RPSA2: variants seen among roughly 807,000 people sequenced by gnomAD.
RPSA2 encodes ribosomal protein SA 2.
the RPSA2 span, among the ~76,000 whole-genome samples, chr19:23,854,594 T>A: frequency 1.3e-5 from 2 of 152,234 alleles, no homozygotes; most frequent in African/African-American, 4.8e-5. Context: ...AGACTTAGAA[T>A]GGCAAGTACT....
At chr19:23,826,816 G>T in the RPSA2 span, among the ~76,000 whole-genome samples, 1 of 151,984 alleles carries the variant, frequency 6.6e-6, no homozygotes. Context: ...CTCCCGAGTA[G>T]CTGGGATTAC....
chr19:23,834,835 A>T, the RPSA2 span, among the ~76,000 whole-genome samples: 145,613 of 151,392 alleles, frequency 0.96, 70,046 homozygotes, highest in East Asian at 1. Context: ...AGTAATCTTT[A>T]TTGCCAGTAA....
At chr19:23,826,146 AAC>A in the RPSA2 span, among the ~76,000 whole-genome samples, 85 of 151,874 alleles carry the variant, frequency 5.6e-4, no homozygotes, top group Admixed American at 1.8e-3. Context: ...GCTAAATCTT[AAC>A]ACATATTAAA....
At chr19:23,796,005 T>A in the RPSA2 span, among the ~76,000 whole-genome samples, 2 of 152,200 alleles carry the variant, frequency 1.3e-5, no homozygotes, top group African/African-American at 4.8e-5. Context: ...CCTCGGGTGA[T>A]CCGCCTGCCT....
chr19:23,837,289 G>C, the RPSA2 span, among the ~76,000 whole-genome samples: 1 of 152,014 alleles, frequency 6.6e-6, no homozygotes. Context: ...AAATCAGTTG[G>C]CTGTAAGTAT....
the RPSA2 span, among the ~76,000 whole-genome samples, chr19:23,810,076 T>G: frequency 6.6e-6 from 1 of 152,080 alleles, no homozygotes; most frequent in Non-Finnish European, 1.5e-5. Flanking sequence ...GCACAAGGGT[T>G]CACCTTTAGT....
the RPSA2 span, among the ~76,000 whole-genome samples, chr19:23,776,190 C>T: frequency 6.6e-6 from 1 of 152,144 alleles, no homozygotes; most frequent in African/African-American, 2.4e-5. Flanking sequence ...CCTTCCTGCA[C>T]GTGTGACTGT....
the RPSA2 span, among the ~76,000 whole-genome samples, chr19:23,794,097 A>G: frequency 0.011 from 1,653 of 152,210 alleles, 32 homozygotes; most frequent in African/African-American, 0.038. Context: ...TATTCAGTCT[A>G]CCATTGATAG....
At chr19:23,761,930 T>TCCTTCCTTCCTTCCTTCCCTCCTTC in the RPSA2 span, among the ~76,000 whole-genome samples, 1 of 127,366 alleles carries the variant, frequency 7.9e-6, no homozygotes, top group African/African-American at 3.1e-5. Flanking sequence ...CTTTTTTTTT[T>TCCTTCCTTCCTTCCTTCCCTCCTTC]TTTTTGAGAT....
the RPSA2 span, among the ~76,000 whole-genome samples, chr19:23,861,968 G>A: frequency 1.3e-5 from 2 of 152,112 alleles, no homozygotes; most frequent in Non-Finnish European, 2.9e-5. Context: ...GGGGTAAGAA[G>A]CACAGTCCTT....
chr19:23,853,877 G>A, the RPSA2 span, among the ~76,000 whole-genome samples: 253 of 152,324 alleles, frequency 1.7e-3, no homozygotes, highest in African/African-American at 5.8e-3. Context: ...TCCCATGTTA[G>A]TGGGATGTTT....
the RPSA2 span, among the ~76,000 whole-genome samples, chr19:23,824,491 A>G: frequency 2.0e-5 from 3 of 151,358 alleles, no homozygotes; most frequent in African/African-American, 7.3e-5. Flanking sequence ...GGGGCTAAGG[A>G]CTAGTTTTCT....
the RPSA2 span, among the ~76,000 whole-genome samples, chr19:23,822,356 A>G: frequency 4.6e-5 from 7 of 152,136 alleles, no homozygotes; most frequent in Non-Finnish European, 8.8e-5. Context: ...GCCAGCAGAG[A>G]GCTGCCTGGG....
At chr19:23,815,937 C>G in the RPSA2 span, among the ~76,000 whole-genome samples, 2 of 149,462 alleles carry the variant, frequency 1.3e-5, no homozygotes, top group Non-Finnish European at 3.0e-5. Flanking sequence ...CATGTTAGCA[C>G]TTGACTTAAA....
the RPSA2 span, among the ~76,000 whole-genome samples, chr19:23,790,587 G>A: frequency 6.6e-6 from 1 of 152,130 alleles, no homozygotes; most frequent in Admixed American, 6.5e-5. Context: ...ACACACAACT[G>A]GAGCAGACAG....
the RPSA2 span, among the ~76,000 whole-genome samples, chr19:23,773,268 A>G: frequency 0.1 from 14 of 138 alleles, no homozygotes; most frequent in African/African-American, 0.19. Flanking sequence ...GGCTAATTTG[A>G]TATATATATA....
At chr19:23,797,310 A>G in the RPSA2 span, among the ~76,000 whole-genome samples, 1 of 152,198 alleles carries the variant, frequency 6.6e-6, no homozygotes, top group East Asian at 1.9e-4. Flanking sequence ...GGGTTTCACC[A>G]TCTTGGCCAG....
At chr19:23,846,088 G>A in the RPSA2 span, among the ~76,000 whole-genome samples, 13 of 151,940 alleles carry the variant, frequency 8.6e-5, no homozygotes, top group African/African-American at 3.1e-4. Context: ...CTTTCTATAG[G>A]TTTAATAATA....
the RPSA2 span, among the ~76,000 whole-genome samples, chr19:23,864,020 T>G: frequency 0.98 from 148,924 of 152,256 alleles, 72,927 homozygotes; most frequent in Middle Eastern, 1. Context: ...TGAGAAGATG[T>G]GTGACTACCC....
Sources: allele counts gnomAD v4.1 joint callset (sites outside exome capture counted in the v4.1 genomes callset), GRCh38; gene constraint gnomAD v4.1.1; transcripts MANE v1.5; gene names NCBI Gene and HGNC (gene_info 2026-07-23, HGNC 2026-07-21).